Variants in PCLO observed in about 807,000 individuals in gnomAD.
PCLO encodes protein piccolo.
Under a neutral mutation model 427.5 loss-of-function variants are expected in PCLO, and 82 were observed. The ratio of observed to expected loss-of-function variants is 0.19; its 90% confidence interval spans 0.16 to 0.23. PCLO has a LOEUF of 0.23. Among genes scored for constraint, PCLO ranks in the 10% least tolerant of loss-of-function variants. The pLI, the probability that PCLO is intolerant of heterozygous loss-of-function variation, is 1.00. For synonymous variants in PCLO, 2,357 were observed against 2,155.4 expected, an observed-to-expected ratio of 1.09 and a Z score of -2.59; for missense variants, 6,239 against 6,115.9, an observed-to-expected ratio of 1.02 and a Z score of -0.67.
At chr7:83,031,912 C>A (rs945290798) in intron 3 of PCLO, among the ~76,000 whole-genome samples, 1 of 152,026 alleles carries the variant, frequency 6.6e-6, no homozygotes, top group Non-Finnish European at 1.5e-5. Context: ...TTACTTAAAC[C>A]CTTTTCAGGA....
chr7:83,162,713 C>A lies in PCLO; in HGVS notation c.-121G>T. On this transcript the variant is annotated 5_prime_UTR_variant, in exon 1 of 25. Coordinates refer to ENST00000333891, the MANE Select transcript of PCLO (RefSeq NM_033026.6). ...CTCGGGGCGTGCAGGCAGCCGAGTCCCTGGACTCTGGACCAGGCACTGCCG... is the reference window on the plus strand; with the variant it reads ...CTCGGGGCGTGCAGGCAGCCGAGTCACTGGACTCTGGACCAGGCACTGCCG... The A allele has an allele frequency of 2.3e-6, 3 of 1,318,222 alleles. No individual in the cohort carries two copies. Among genetic ancestry groups the A allele is most frequent in the Non-Finnish European group, 3.0e-6 (3 of 992,902 alleles). The allele number at this position is 1,318,222 out of a possible 1,614,324, so 81.7% of individuals were successfully genotyped here. A position where few individuals can be genotyped will look rare whatever the true frequency, so the allele number is the denominator to read the frequency against.
rs1038102485 is a variant in PCLO at position 82,930,456 on chromosome 7, G to A, written c.11113-13583C>T. On this transcript the variant is annotated intron_variant, in intron 6 of 24. Transcript: ENST00000333891. The stretch of plus-strand genomic sequence containing the variant: ...ACATAATATGTATTTATTAGAAGAC[G>A]TAGTTGGCAGAATTTTACTATTATT... Among the ~76,000 whole-genome samples, 7 of 152,078 alleles carry A rather than the reference G, an allele frequency of 4.6e-5. No homozygotes were observed. In the East Asian group the frequency reaches 7.7e-4, roughly 17 times the overall value.
chr7:82,952,696 C>T lies in PCLO; in HGVS notation c.8257G>A (p.Asp2753Asn). ...KCIDLSASTM[D>N]VKRQITANEV... ...TTTGCTGTGATCTGCCTTTTCACAT[C>T]CATTGTAGAAGCAGAAAGATCAATA... The change falls in exon 5 of 25, where the codon GAT becomes AAT. Residue 2753 changes from aspartate to asparagine, a missense_variant. By Grantham distance (23) the Asp-to-Asn change is conservative. Around this residue, in one of 5 missense-constraint regions of PCLO, gnomAD observed 4,677 missense variants for 4,468.4 expected, o/e 1.05. Coordinates refer to ENST00000333891, the MANE Select transcript of PCLO (RefSeq NM_033026.6). 10 of 1,613,850 alleles carry T rather than the reference C, an allele frequency of 6.2e-6. No individual in the cohort carries two copies. The highest frequency in any genetic ancestry group is 8.5e-6 in the Non-Finnish European group (10 of 1,179,838).
In PCLO at chr7:82,761,483, C is replaced by A. The variant is rs1196575058; in HGVS notation, c.15018G>T (p.Gln5006His). The A allele has an allele frequency of 4.4e-6, 7 of 1,597,114 alleles. No homozygotes were observed. The highest frequency in any genetic ancestry group is 1.7e-5 in the Admixed American group (1 of 59,172). ...VGLADTEAKT[Q>H]VMGEIKIALK... ...ATGCAATCTTGATTTCTCCCATTAC[C>A]TGAGTTTTAGCTGGGAGAATTTAAT... Residue 5006 changes from glutamine (Q) to histidine (H), a missense_variant, in exon 23 of 25, where the codon CAG (glutamine) becomes CAT (histidine). Coordinates refer to ENST00000333891, the MANE Select transcript of PCLO (RefSeq NM_033026.6).
rs367732224 is a variant in PCLO, at chr7:83,155,001, G to C, written c.1640C>G (p.Ala547Gly). ...TGTAGATTGCTGAGCCGAGGGCTTTGCTGGGCTAGGCTGTTGAGCTGAGGG... is the reference window on the plus strand; with the variant it reads ...TGTAGATTGCTGAGCCGAGGGCTTTCCTGGGCTAGGCTGTTGAGCTGAGGG... ...AKPSAQQPSP[A>G]KPSAQQSTKP... The change falls in exon 2 of 25, where the codon GCA becomes GGA. Residue 547 changes from alanine to glycine, a missense_variant. Ala to Gly is a moderately conservative substitution (Grantham distance 60). Transcript: ENST00000333891. 25 of 1,613,898 alleles carry C rather than the reference G, an allele frequency of 1.5e-5. No individual in the cohort carries two copies. The African/African-American group carries it at 2.8e-4, about 18-fold the overall frequency.
rs149522727 is a variant in PCLO at position 82,815,765 on chromosome 7, G to A, written c.14791+6730C>T. Among the ~76,000 whole-genome samples the A allele has an allele frequency of 3.1e-3, 474 of 151,922 alleles. 3 individuals carry two copies. The highest frequency in any genetic ancestry group is 0.011 in the African/African-American group (459 of 41,454). On this transcript the variant is annotated intron_variant, in intron 20 of 24. Transcript: ENST00000333891. ...TTAGGTTGGTGCAAAAGTGATTGCC[G>A]GTTTTGCCATTACTTTCAATGGTAA...
intron 3 of PCLO, among the ~76,000 whole-genome samples, chr7:82,987,633 G>T (rs1346378484): frequency 3.3e-5 from 5 of 151,664 alleles, no homozygotes; most frequent in Non-Finnish European, 7.4e-5. Flanking sequence ...GATAAAACTT[G>T]ATCTAAAAAA....
At chr7:82,790,000 G>A (rs185452988) in intron 22 of PCLO, among the ~76,000 whole-genome samples, 28 of 152,124 alleles carry the variant, frequency 1.8e-4, no homozygotes, top group Middle Eastern at 3.4e-3. Context: ...TTATGATGCT[G>A]GTGCCCGAAG....
chr7:82,850,359 T>C (rs1200622360), intron 10 of PCLO, among the ~76,000 whole-genome samples: 1 of 152,128 alleles, frequency 6.6e-6, no homozygotes, highest in Non-Finnish European at 1.5e-5. Flanking sequence ...TTGCTGAATA[T>C]GTAGCATCGA....
chr7:82,775,058 TTTATA>T (rs1790721333), intron 22 of PCLO, among the ~76,000 whole-genome samples: 1 of 152,212 alleles, frequency 6.6e-6, no homozygotes, highest in Non-Finnish European at 1.5e-5. Context: ...CTTTCATAGC[TTTATA>T]GCTCATTCTT....
At chr7:83,049,278 G>T (rs1789176890) in intron 3 of PCLO, among the ~76,000 whole-genome samples, 1 of 152,092 alleles carries the variant, frequency 6.6e-6, no homozygotes, top group Non-Finnish European at 1.5e-5. Flanking sequence ...TGATACAAAA[G>T]CACTTTATGG....
chr7:82,932,010 C>T (rs1794851309), intron 6 of PCLO, among the ~76,000 whole-genome samples: 2 of 152,070 alleles, frequency 1.3e-5, no homozygotes, highest in Admixed American at 1.3e-4. Context: ...ATGGCATATT[C>T]AGTGGCTAAA....
At chr7:82,907,543 A>T (rs1318637527) in intron 8 of PCLO, among the ~76,000 whole-genome samples, 2 of 152,156 alleles carry the variant, frequency 1.3e-5, no homozygotes, top group East Asian at 3.9e-4. Flanking sequence ...GATCTATTTG[A>T]TGAGAGTTGA....
intron 6 of PCLO, among the ~76,000 whole-genome samples, chr7:82,925,439 G>T (rs1042452083): frequency 1.3e-5 from 2 of 152,104 alleles, no homozygotes; most frequent in African/African-American, 4.8e-5. Context: ...ACTGGAAGCA[G>T]AGTTTCACTC....
chr7:82,897,064 T>G (rs2116160336), intron 9 of PCLO, among the ~76,000 whole-genome samples: 1 of 151,788 alleles, frequency 6.6e-6, no homozygotes, highest in African/African-American at 2.4e-5. Flanking sequence ...ATTTTGTTCT[T>G]TTTTTTCTGT....
chr7:82,794,459 C>CTGTTT (rs1554333552), intron 22 of PCLO, among the ~76,000 whole-genome samples: 13 of 56,368 alleles, frequency 2.3e-4, no homozygotes, highest in Non-Finnish European at 4.1e-4. Context: ...AATTTTTTTT[C>CTGTTT]TTTTTTTTTT....
chr7:83,156,106 T>C lies in PCLO; in HGVS notation c.535A>G (p.Ile179Val). 2 of 1,613,884 alleles carry C rather than the reference T, an allele frequency of 1.2e-6. No individual in the cohort carries two copies. The highest frequency in any genetic ancestry group is 1.1e-5 in the South Asian group (1 of 91,058). The change falls in exon 2 of 25, where the codon ATA becomes GTA. Residue 179 changes from isoleucine (I) to valine (V), a missense_variant. By Grantham distance (29) the Ile-to-Val change is conservative. Coordinates refer to ENST00000333891, the MANE Select transcript of PCLO (RefSeq NM_033026.6). ...TCCTGGGATGCCTCAGAGTCTGATA[T>C]CAAATCAAAAGGGTTGAATTTATTT... Reference protein sequence around the residue: ...VVNKFNPFDLISDSEASQEET... With the variant: ...VVNKFNPFDLVSDSEASQEET...
At chr7:82,930,063 C>T (rs1794805305) in intron 6 of PCLO, among the ~76,000 whole-genome samples, 1 of 152,110 alleles carries the variant, frequency 6.6e-6, no homozygotes, top group Non-Finnish European at 1.5e-5. Context: ...AAGCTTCTGT[C>T]TGGATCTTAG....
In PCLO at chr7:82,955,757, T is replaced by C. The variant is rs1478721524; in HGVS notation, c.5196A>G (p.Thr1732=). The C allele has an allele frequency of 1.9e-6, 3 of 1,613,944 alleles. No homozygotes were observed. The highest frequency in any genetic ancestry group is 2.5e-6 in the Non-Finnish European group (3 of 1,179,852). ...ASSFTPGTSP[T]SVSSLDEDSD... The stretch of plus-strand genomic sequence containing the variant: ...TGTCCTCATCAAGTGATGATACTGA[T>C]GTAGGGGATGTACCAGGAGTGAAGC... The change falls in exon 5 of 25, where the codon ACA becomes ACG. Residue 1732 remains threonine, a synonymous_variant. Transcript: ENST00000333891.
Sources: gnomAD v4.1 joint callset for allele counts (sites outside exome capture counted in the v4.1 genomes callset) on GRCh38, gnomAD v4.1.1 for gene constraint, gnomAD v4.1.1 regional missense constraint, MANE v1.5 for transcripts, NCBI Gene and HGNC (gene_info 2026-07-23, HGNC 2026-07-21) for gene names.